CSMD1: variants seen among roughly 807,000 people sequenced by gnomAD.
CSMD1 encodes CUB and sushi domain-containing protein 1.
In CSMD1, 213 loss-of-function variants were observed where a neutral mutation model predicts 417.5. The ratio of observed to expected loss-of-function variants is 0.51; its 90% CI spans 0.46 to 0.57. The LOEUF is 0.57. CSMD1 is among the 20% of genes least tolerant of loss of function. The pLI is 0.00. For missense variants in CSMD1, 6,923 were observed against 4,529.7 expected (o/e 1.53, Z -15.17); for synonymous variants, 2,862 against 1,736.8 (o/e 1.65, Z -16.11).
chr8:3,176,924 G>A (rs1195028792), intron 37 of CSMD1, among the ~76,000 whole-genome samples: 1 of 151,910 alleles, frequency 6.6e-6, no homozygotes, highest in Non-Finnish European at 1.5e-5. Flanking sequence ...GACTACAGGT[G>A]AGGCCACCAT....
At chr8:3,330,996 A>T (rs972763739) in intron 23 of CSMD1, among the ~76,000 whole-genome samples, 26 of 152,146 alleles carry the variant, frequency 1.7e-4, no homozygotes, top group African/African-American at 6.0e-4. Flanking sequence ...CACGCCTGTA[A>T]TCCCAGGACT....
rs55993904 is a variant in CSMD1 at position 4,138,044 on chromosome 8, A to ATTTTTTTTTTT, written c.416-105956_416-105946dup. Among the ~76,000 whole-genome samples, 10 of 62,706 alleles carry ATTTTTTTTTTT rather than the reference A, an allele frequency of 1.6e-4. 1 individual carries two copies. The highest frequency in any genetic ancestry group is 5.0e-4 in the African/African-American group (8 of 15,874). 41.1% of individuals were successfully genotyped at this position (62,706 alleles called of 152,430 possible). ...AGGCGCCCGCCACCATGCCCGGCTA[A>ATTTTTTTTTTT]TTTTTTTTTTTTTTTTTTTTTTTTT... On this transcript the variant is annotated intron_variant, in intron 3 of 69. Transcript: ENST00000635120.
intron 6 of CSMD1, among the ~76,000 whole-genome samples, chr8:3,735,279 TTA>T (rs1796474814): frequency 6.6e-6 from 1 of 151,084 alleles, no homozygotes; most frequent in East Asian, 2.0e-4. Context: ...AAAACTTGGC[TTA>T]TACATCATAT....
At chr8:3,370,900 C>G (rs561057177) in intron 18 of CSMD1, among the ~76,000 whole-genome samples, 1 of 151,864 alleles carries the variant, frequency 6.6e-6, no homozygotes, top group Non-Finnish European at 1.5e-5. Flanking sequence ...CACTTAAACC[C>G]GGGATGCGGA....
rs542691578 is a variant in CSMD1 at position 4,211,205 on chromosome 8, T to C, written c.416-179106A>G. On this transcript the variant is annotated intron_variant, in intron 3 of 69. Coordinates refer to ENST00000635120, the MANE Select transcript of CSMD1 (RefSeq NM_033225.6). ...TGTATTTCAGGGAAAGTCATTTGCC[T>C]TTTTTTTTTTAGCTGGCATAAATTA... Among the ~76,000 whole-genome samples, 158 of 108,542 alleles carry C rather than the reference T, an allele frequency of 1.5e-3. No homozygotes were observed. The Middle Eastern group carries it at 0.025, about 17-fold the overall frequency. The allele number at this position is 108,542 out of a possible 152,430, so 71.2% of individuals were successfully genotyped here.
intron 6 of CSMD1, among the ~76,000 whole-genome samples, chr8:3,711,711 C>G (rs567229491): frequency 1.3e-5 from 2 of 152,148 alleles, no homozygotes; most frequent in East Asian, 3.9e-4. Context: ...CCAGCTCTCC[C>G]CAGGATAATG....
rs907549650 is a variant in CSMD1 at position 4,522,645 on chromosome 8, G to A, written c.303-102580C>T. Among the ~76,000 whole-genome samples, 17 of 152,198 alleles carry A rather than the reference G, an allele frequency of 1.1e-4. No homozygotes were observed. In the South Asian group the frequency reaches 2.7e-3, roughly 24 times the overall value. ...CCAGACCCTTTCTGACTATAGGTTC[G>A]GATTTTCTTCTCTGTCCGCAGCCCG... On this transcript the variant is annotated intron_variant, in intron 2 of 69. Coordinates refer to ENST00000635120, the MANE Select transcript of CSMD1 (RefSeq NM_033225.6).
chr8:4,039,927 G>C (rs918503478), intron 3 of CSMD1, among the ~76,000 whole-genome samples: 1 of 152,168 alleles, frequency 6.6e-6, no homozygotes, highest in East Asian at 1.9e-4. Flanking sequence ...GAAAAGTAAA[G>C]CTTACTCTTG....
At chr8:3,776,878 T>C (rs1474034824) in intron 5 of CSMD1, among the ~76,000 whole-genome samples, 1 of 149,316 alleles carries the variant, frequency 6.7e-6, no homozygotes, top group South Asian at 2.1e-4. Context: ...AGCTGATAGA[T>C]ATAACTTTGT....
At chr8:4,191,416 C>G (rs1799025393) in intron 3 of CSMD1, among the ~76,000 whole-genome samples, 2 of 151,638 alleles carry the variant, frequency 1.3e-5, no homozygotes, top group South Asian at 2.1e-4. Flanking sequence ...AAAAACAAAA[C>G]AAAACAAAAC....
At position 3,118,572 on chromosome 8, in the gene CSMD1, T is replaced by C. The variant is rs1228500799; in HGVS notation, c.6257A>G (p.Asn2086Ser). The C allele has an allele frequency of 1.2e-6, 2 of 1,611,844 alleles. No individual in the cohort carries two copies. The highest frequency in any genetic ancestry group is 8.5e-7 in the Non-Finnish European group (1 of 1,179,364). Residue 2086 changes from asparagine to serine, a missense_variant, in exon 42 of 70, where the codon AAC becomes AGC. Asn to Ser is a conservative substitution (Grantham distance 46). Transcript: ENST00000635120. ...CTGAAATGGGGGTGGATCTGGACAG[T>C]TCTGTAATTCATAGGCTGAAAGAAA... ...KLAYQAYELQNCPDPPPFQNG... is the reference protein window; with the variant it reads ...KLAYQAYELQSCPDPPPFQNG...
At chr8:4,595,318 G>C (rs911235881) in intron 2 of CSMD1, among the ~76,000 whole-genome samples, 2 of 105,812 alleles carry the variant, frequency 1.9e-5, no homozygotes, top group African/African-American at 2.9e-5. Context: ...TGATTTCTAA[G>C]GCAAAGGATA....
chr8:3,137,431 TG>T (rs1818168314), intron 41 of CSMD1, among the ~76,000 whole-genome samples: 1 of 152,196 alleles, frequency 6.6e-6, no homozygotes, highest in Non-Finnish European at 1.5e-5. Context: ...AGGTGTGCAC[TG>T]GGGAGCAATT....
chr8:4,364,164 A>C (rs572251012), intron 3 of CSMD1, among the ~76,000 whole-genome samples: 1 of 152,318 alleles, frequency 6.6e-6, no homozygotes, highest in East Asian at 1.9e-4. Context: ...CTTCATAAAT[A>C]TATATACCTA....
intron 10 of CSMD1, among the ~76,000 whole-genome samples, chr8:3,565,587 T>A (rs1270691890): frequency 3.9e-5 from 6 of 152,202 alleles, no homozygotes; most frequent in Admixed American, 2.6e-4. Flanking sequence ...CTCTTCTTCA[T>A]CTCTCTGAAT....
At chr8:4,299,389 C>T (rs74755526) in intron 3 of CSMD1, among the ~76,000 whole-genome samples, 189 of 152,126 alleles carry the variant, frequency 1.2e-3, no homozygotes, top group African/African-American at 4.3e-3. Flanking sequence ...TGTAGATAAC[C>T]AGTCGTCTCA....
intron 3 of CSMD1, among the ~76,000 whole-genome samples, chr8:4,405,060 C>G (rs1804914677): frequency 6.6e-6 from 1 of 152,226 alleles, no homozygotes; most frequent in South Asian, 2.1e-4. Flanking sequence ...TGGACACTTT[C>G]TCAAATCAAT....
intron 3 of CSMD1, among the ~76,000 whole-genome samples, chr8:4,105,180 C>T (rs1030323121): frequency 1.3e-5 from 2 of 152,090 alleles, no homozygotes; most frequent in Admixed American, 1.3e-4. Context: ...TCCATGGATG[C>T]CATACATCCT....
At chr8:4,295,681 TATAC>T (rs1407853474) in intron 3 of CSMD1, among the ~76,000 whole-genome samples, 1 of 143,062 alleles carries the variant, frequency 7.0e-6, no homozygotes, top group African/African-American at 2.6e-5. Context: ...TATGTTATAT[TATAC>T]ATGTTATATA....
Sources: gnomAD v4.1 joint callset for allele counts (sites outside exome capture counted in the v4.1 genomes callset) on GRCh38, gnomAD v4.1.1 for gene constraint, MANE v1.5 for transcripts, NCBI Gene and HGNC (gene_info 2026-07-23, HGNC 2026-07-21) for gene names.